SHISA9: variants seen among roughly 807,000 people sequenced by gnomAD.
SHISA9 encodes shisa family member 9, also known as protein shisa-9.
A neutral mutation model predicts 38.0 loss-of-function variants in SHISA9; 13 were observed. The observed-to-expected ratio is 0.34, with a 90% confidence interval of 0.22 to 0.54. SHISA9 has a LOEUF of 0.54. SHISA9 is among the 20% of genes least tolerant of loss of function. The pLI, the probability that SHISA9 is intolerant of heterozygous loss-of-function variation, is 0.91. For missense variants in SHISA9, 538 were observed against 575.8 expected (o/e 0.93, Z 0.67); for synonymous variants, 275 against 242.0 (o/e 1.14, Z -1.27).
the SHISA9 span, among the ~76,000 whole-genome samples, chr16:13,539,350 T>TATATATATATATATAC: frequency 1.5e-5 from 1 of 65,958 alleles, no homozygotes; most frequent in African/African-American, 5.1e-5. Context: ...TATAAAGATA[T>TATATATATATATATAC]ATATATATAA....
At chr16:13,069,006 G>A (rs201156206) in intron 2 of SHISA9, among the ~76,000 whole-genome samples, 129 of 151,636 alleles carry the variant, frequency 8.5e-4, no homozygotes, top group East Asian at 5.4e-3. Flanking sequence ...GTGTATGTGC[G>A]TATGCATACA....
At chr16:13,104,125 T>G (rs1012229519) in intron 2 of SHISA9, among the ~76,000 whole-genome samples, 1 of 152,182 alleles carries the variant, frequency 6.6e-6, no homozygotes, top group Non-Finnish European at 1.5e-5. Context: ...CATCCCCAGC[T>G]AATGCCCTCA....
intron 2 of SHISA9, among the ~76,000 whole-genome samples, chr16:13,135,234 G>A (rs1001637110): frequency 6.6e-6 from 1 of 152,278 alleles, no homozygotes; most frequent in African/African-American, 2.4e-5. Flanking sequence ...GTATCAGCAG[G>A]TATGAAACTG....
chr16:13,036,170 G>A (rs6498372), intron 2 of SHISA9, among the ~76,000 whole-genome samples: 1 of 151,946 alleles, frequency 6.6e-6, no homozygotes, highest in Non-Finnish European at 1.5e-5. Context: ...ACAAATGTCC[G>A]CACAAAGTCT....
At chr16:13,490,920 A>G in the SHISA9 span, among the ~76,000 whole-genome samples, 1 of 152,186 alleles carries the variant, frequency 6.6e-6, no homozygotes, top group Non-Finnish European at 1.5e-5. Context: ...TTCTTTAATT[A>G]TAAAGGCCCT....
the SHISA9 span, among the ~76,000 whole-genome samples, chr16:13,264,448 C>T: frequency 0.16 from 23,949 of 152,072 alleles, 2,154 homozygotes; most frequent in Non-Finnish European, 0.2. Context: ...GCTAGGATTA[C>T]AGGCTTGAGC....
chr16:13,167,755 C>T (rs1477591517), intron 2 of SHISA9, among the ~76,000 whole-genome samples: 3 of 152,094 alleles, frequency 2.0e-5, no homozygotes, highest in African/African-American at 2.4e-5. Context: ...GTTATTTTCC[C>T]GAGGCCTCCC....
At chr16:13,147,180 T>C (rs1039157278) in intron 2 of SHISA9, among the ~76,000 whole-genome samples, 5 of 152,154 alleles carry the variant, frequency 3.3e-5, no homozygotes, top group African/African-American at 1.2e-4. Context: ...GCCTAGAAGA[T>C]ATGGTGACAC....
At chr16:13,273,254 A>G in the SHISA9 span, among the ~76,000 whole-genome samples, 1 of 152,206 alleles carries the variant, frequency 6.6e-6, no homozygotes. Flanking sequence ...ACATGTCCTA[A>G]TAGACACATT....
the SHISA9 span, among the ~76,000 whole-genome samples, chr16:13,478,716 C>G: frequency 6.6e-6 from 1 of 152,198 alleles, no homozygotes; most frequent in Non-Finnish European, 1.5e-5. Flanking sequence ...CATCTTCTTA[C>G]ATGAGTATTA....
chr16:13,354,583 C>A, the SHISA9 span, among the ~76,000 whole-genome samples: 1 of 149,852 alleles, frequency 6.7e-6, no homozygotes, highest in African/African-American at 2.4e-5. Flanking sequence ...GTTATGAGAA[C>A]TGTAGAGAGT....
the SHISA9 span, among the ~76,000 whole-genome samples, chr16:13,263,036 T>G: frequency 3.3e-5 from 5 of 152,160 alleles, no homozygotes; most frequent in African/African-American, 4.8e-5. Context: ...TGCCTTAAAT[T>G]TTCTTGCAAC....
intron 2 of SHISA9, among the ~76,000 whole-genome samples, chr16:12,979,346 A>T (rs1757706352): frequency 6.6e-6 from 1 of 150,800 alleles, no homozygotes; most frequent in African/African-American, 2.4e-5. Flanking sequence ...TGGACTGCTT[A>T]TGAGTCTTGG....
chr16:12,923,097 A>G (rs977306316), intron 2 of SHISA9, among the ~76,000 whole-genome samples: 7 of 152,286 alleles, frequency 4.6e-5, no homozygotes, highest in African/African-American at 1.7e-4. Context: ...GAGTAGCTCT[A>G]TACATTTCTG....
the SHISA9 span, among the ~76,000 whole-genome samples, chr16:13,429,268 G>A: frequency 1.3e-5 from 2 of 152,166 alleles, no homozygotes; most frequent in Non-Finnish European, 2.9e-5. Context: ...CACAAACTGG[G>A]TGGCTTAAAT....
chr16:13,226,800 C>A (rs1347834631), intron 4 of SHISA9, among the ~76,000 whole-genome samples: 1 of 152,158 alleles, frequency 6.6e-6, no homozygotes, highest in African/African-American at 2.4e-5. Context: ...ACAGGGGTAA[C>A]TGGTCTATGG....
At chr16:13,146,574 G>T (rs546898586) in intron 2 of SHISA9, among the ~76,000 whole-genome samples, 12 of 152,104 alleles carry the variant, frequency 7.9e-5, no homozygotes, top group Non-Finnish European at 1.5e-4. Flanking sequence ...AATTATTGTT[G>T]TCTGTAGTCT....
rs188647837 is a variant in SHISA9, at chr16:13,022,377, G to C, written c.691+105562G>C. Among the ~76,000 whole-genome samples, 941 of 152,116 alleles carry C rather than the reference G, an allele frequency of 6.2e-3. 11 individuals are homozygous for C. Among genetic ancestry groups the C allele is most frequent in the African/African-American group, 0.022 (905 of 41,474 alleles). Reference sequence around the variant, plus strand: ...ACAGAGTTTCGCTCTTGTTGCCCAGGCTGGAGTGCAGTGGCACGGTCTTGG... The same window carrying C: ...ACAGAGTTTCGCTCTTGTTGCCCAGCCTGGAGTGCAGTGGCACGGTCTTGG... On this transcript the variant is annotated intron_variant, in intron 2 of 4. Transcript: ENST00000558583.
Position 13,058,751 on chromosome 16 carries a change from T to TTGTGTGTG in SHISA9, c.691+141961_691+141968dup, listed in dbSNP as rs57415975. On this transcript the variant is annotated intron_variant, in intron 2 of 4. Transcript: ENST00000558583. ...GTCATTGACCAGTGGTGTGGTGTAT[T>TTGTGTGTG]TGTGTGTGTGTGTGTGTGTGTGTGT... 3.5e-3 allele frequency among the ~76,000 whole-genome samples: 503 copies of TTGTGTGTG among 144,940 alleles called. 1 individual carries two copies. Among genetic ancestry groups the TTGTGTGTG allele is most frequent in the African/African-American group, 0.01 (405 of 39,658 alleles).
Sources: gnomAD v4.1 joint callset for allele counts (sites outside exome capture counted in the v4.1 genomes callset) on GRCh38, gnomAD v4.1.1 for gene constraint, MANE v1.5 for transcripts, NCBI Gene and HGNC (gene_info 2026-07-23, HGNC 2026-07-21) for gene names.